RNFT1: variants seen among roughly 807,000 people sequenced by gnomAD.
RNFT1 encodes the protein E3 ubiquitin-protein ligase RNFT1.
RNFT1 carries 35 observed loss-of-function variants against 53.2 expected under a neutral mutation model. The ratio of observed to expected loss-of-function variants is 0.66; its 90% CI spans 0.50 to 0.87. The LOEUF (loss-of-function observed/expected upper bound fraction) is 0.87. RNFT1 is among the 40% of genes least tolerant of loss of function. RNFT1 has a pLI of 0.00. For synonymous variants in RNFT1, 141 were observed against 172.8 expected, an observed-to-expected ratio of 0.82 and a Z score of 1.44; for missense variants, 421 against 515.0, an observed-to-expected ratio of 0.82 and a Z score of 1.77.
Position 59,964,607 on chromosome 17 carries a change from CCT to C in RNFT1, c.55_56del (p.Arg19GlufsTer5). 1 of 1,602,732 alleles carries C rather than the reference CCT, an allele frequency of 6.2e-7. No individual in the cohort carries two copies. Among genetic ancestry groups the C allele is most frequent in the Admixed American group, 1.7e-5 (1 of 58,796 alleles). The part of the protein sequence containing the change: ...PTPPSASGHE[R>X]RQRPEAKTSG... ...CTCTGCCCGCTTCCCCCAGGCCTAA[CCT>C]CTCATGACCAGAAGCGGACGGAGGT... On this transcript the variant is annotated frameshift_variant and splice_region_variant, in exon 1 of 9. Transcript: ENST00000305783. LOFTEE classifies it high-confidence loss of function.
At chr17:59,962,284 C>T in intron 3 of RNFT1, 1 of 341,950 alleles carries the variant, frequency 2.9e-6, no homozygotes, top group Non-Finnish European at 5.4e-6. Context: ...CGTGTTCTAA[C>T]TCTTTTAATC....
chr17:59,957,124 T>C (rs1401733818), intron 6 of RNFT1, 100 bp downstream of exon 6: 11 of 1,180,816 alleles, frequency 9.3e-6, no homozygotes, highest in South Asian at 3.1e-5. Flanking sequence ...ACTAGTGATA[T>C]GAAGATAAAC....
intron 3 of RNFT1, among the ~76,000 whole-genome samples, chr17:59,960,508 C>T (rs2045283491): frequency 6.9e-6 from 1 of 144,404 alleles, no homozygotes; most frequent in South Asian, 2.2e-4. Context: ...CTTCTACAAG[C>T]TGACATAAAG....
intron 7 of RNFT1, among the ~76,000 whole-genome samples, chr17:59,955,424 A>C (rs1164477027): frequency 1.3e-5 from 2 of 152,186 alleles, no homozygotes; most frequent in Non-Finnish European, 2.9e-5. Flanking sequence ...GACTTGAACA[A>C]ATCCAAGTAT....
At position 59,960,154 on chromosome 17, in the gene RNFT1, C is replaced by G. The variant is rs1036324867; in HGVS notation, c.606G>C (p.Lys202Asn). 1.3e-5 allele frequency: 21 copies of G among 1,601,194 alleles called. No homozygotes were observed. The highest frequency in any genetic ancestry group is 1.8e-5 in the Non-Finnish European group (21 of 1,176,160). The change falls in exon 4 of 9, where the codon AAG becomes AAC. Residue 202 changes from lysine (K) to asparagine (N), a missense_variant. Lys to Asn is a moderately conservative substitution (Grantham distance 94). Transcript: ENST00000305783. Reference protein sequence around the residue: ...NQVFLRERSSKIQCAWLLVFL... With the variant: ...NQVFLRERSSNIQCAWLLVFL... Reference sequence around the variant, plus strand: ...ATACCAGTAACCAAGCACACTGAATCTTTGAGGACCTTTCCTGAAAGATAA... The same window carrying G: ...ATACCAGTAACCAAGCACACTGAATGTTTGAGGACCTTTCCTGAAAGATAA...
chr17:59,957,391 T>A lies in RNFT1; in HGVS notation c.847-9A>T. On this transcript the variant is annotated splice_polypyrimidine_tract_variant and intron_variant, in intron 5 of 8. Coordinates refer to ENST00000305783, the MANE Select transcript of RNFT1 (RefSeq NM_016125.4). ...AGCATATACCAGTAACCCTAAAAAA[T>A]AAGAAGAAAACAAATAGAGCTACCC... The A allele has an allele frequency of 1.2e-6, 2 of 1,601,052 alleles. No individual in the cohort carries two copies. The highest frequency in any genetic ancestry group is 1.7e-6 in the Non-Finnish European group (2 of 1,176,032).
intron 3 of RNFT1, among the ~76,000 whole-genome samples, chr17:59,961,452 T>C (rs1337004566): frequency 1.3e-5 from 2 of 152,214 alleles, no homozygotes; most frequent in Non-Finnish European, 2.9e-5. Context: ...GCATGATACT[T>C]TACACAGACA....
intron 4 of RNFT1, 181 bp downstream of exon 4, chr17:59,959,887 G>GCTCT (rs1306815433): frequency 8.7e-6 from 4 of 457,248 alleles, no homozygotes; most frequent in Non-Finnish European, 1.4e-5. Flanking sequence ...TCCAGGCTGG[G>GCTCT]CGAGAGAGTG....
chr17:59,957,980 T>C (rs1183200502), intron 5 of RNFT1, among the ~76,000 whole-genome samples: 6 of 152,226 alleles, frequency 3.9e-5, no homozygotes, highest in African/African-American at 1.2e-4. Flanking sequence ...CACTGAATAA[T>C]TGTACATAGT....
At chr17:59,961,772 TCACCA>T (rs1453072523) in intron 3 of RNFT1, among the ~76,000 whole-genome samples, 8 of 151,960 alleles carry the variant, frequency 5.3e-5, no homozygotes, top group Non-Finnish European at 1.2e-4. Flanking sequence ...ACATGGGGTT[TCACCA>T]CATTGGCCAG....
At chr17:59,954,310 CTT>C (rs1237242769) in intron 7 of RNFT1, among the ~76,000 whole-genome samples, 164 bp from the exon 8 acceptor site, 3 of 152,180 alleles carry the variant, frequency 2.0e-5, no homozygotes, top group Non-Finnish European at 4.4e-5. Context: ...AGAACCACCT[CTT>C]GAGTGCACCA....
chr17:59,958,454 G>A lies in RNFT1; in HGVS notation c.693-10C>T. On this transcript the variant is annotated splice_polypyrimidine_tract_variant and intron_variant, in intron 4 of 8. Transcript: ENST00000305783. Reference sequence around the variant, plus strand: ...ATTTAAAAAAATTAAGCTACCAAAAGAAAAACATCAAAATTTATCAGAGCA... The same window carrying A: ...ATTTAAAAAAATTAAGCTACCAAAAAAAAAACATCAAAATTTATCAGAGCA... 2 of 1,548,704 alleles carry A rather than the reference G, an allele frequency of 1.3e-6. No individual in the cohort carries two copies. Among genetic ancestry groups the A allele is most frequent in the South Asian group, 1.2e-5 (1 of 80,966 alleles).
At chr17:59,961,535 G>T (rs1330530238) in intron 3 of RNFT1, among the ~76,000 whole-genome samples, 1 of 151,928 alleles carries the variant, frequency 6.6e-6, no homozygotes, top group African/African-American at 2.4e-5. Flanking sequence ...TATATGACGG[G>T]CTCGTGTAAC....
intron 7 of RNFT1, among the ~76,000 whole-genome samples, chr17:59,955,992 G>A (rs142057142): frequency 1.3e-5 from 2 of 152,234 alleles, no homozygotes; most frequent in East Asian, 1.9e-4. Flanking sequence ...TGCCATGAAC[G>A]TATTTATGCA....
In RNFT1 at chr17:59,958,793, T is replaced by C. The variant is rs368746369; in HGVS notation, c.693-349A>G. ...GATTCCATCTCTTCCTTTCAATGAA[T>C]TGCTTGTCAAGATCATCAACTCCCT... is the stretch of plus-strand genomic sequence containing the variant. On this transcript the variant is annotated intron_variant, in intron 4 of 8. Coordinates refer to ENST00000305783, the MANE Select transcript of RNFT1 (RefSeq NM_016125.4). 3.9e-5 allele frequency: 15 copies of C among 381,144 alleles called. No individual in the cohort carries two copies. In the East Asian group the frequency reaches 1.2e-3, roughly 30 times the overall value. The allele number at this position is 381,144 out of a possible 1,614,324, so 23.6% of individuals were successfully genotyped here.
Position 59,962,907 on chromosome 17 carries a change from C to T in RNFT1, c.434G>A (p.Arg145His), listed in dbSNP as rs749416565. 5.6e-6 allele frequency: 9 copies of T among 1,614,004 alleles called. No homozygotes were observed. The East Asian group carries it at 6.7e-5, about 12-fold the overall frequency. Reference sequence around the variant, plus strand: ...TTTTTGCAGCCACTTGAAGAGATAGCGGAATTCTGAGAAGGAGCTACTACC... The same window carrying T: ...TTTTTGCAGCCACTTGAAGAGATAGTGGAATTCTGAGAAGGAGCTACTACC... ...DHGSSSFSEF[R>H]YLFKWLQKSL... Residue 145 changes from arginine to histidine, a missense_variant, in exon 2 of 9, where the codon CGC (arginine) becomes CAC (histidine). Coordinates refer to ENST00000305783, the MANE Select transcript of RNFT1 (RefSeq NM_016125.4).
chr17:59,957,232 T>C lies in RNFT1; in HGVS notation c.997A>G (p.Ile333Val). The change falls in exon 6 of 9, where the codon ATA (isoleucine) becomes GTA (valine). Residue 333 changes from isoleucine to valine, a missense_variant. Transcript: ENST00000305783. ...LGILLALLYL[I>V]LKLLEFFGHL... ...TTTGTAATGTTACCTACTTTTAATA[T>C]GAGGTAGAGTAAAGCCAGCAGTATC... is the stretch of plus-strand genomic sequence containing the variant. 2 of 1,611,958 alleles carry C rather than the reference T, an allele frequency of 1.2e-6. No individual in the cohort carries two copies. Among genetic ancestry groups the C allele is most frequent in the Non-Finnish European group, 1.7e-6 (2 of 1,179,316 alleles).
chr17:59,958,970 G>A (rs1359937949), intron 4 of RNFT1, among the ~76,000 whole-genome samples: 2 of 149,890 alleles, frequency 1.3e-5, no homozygotes, highest in Non-Finnish European at 3.0e-5. Context: ...TCTAATTGTG[G>A]TCATGTCCAG....
chr17:59,962,905 A>G lies in RNFT1; in HGVS notation c.436T>C (p.Tyr146His). The change falls in exon 2 of 9, where the codon TAT becomes CAT. Residue 146 changes from tyrosine (Y) to histidine (H), a missense_variant. Coordinates refer to ENST00000305783, the MANE Select transcript of RNFT1 (RefSeq NM_016125.4). ...HGSSSFSEFR[Y>H]LFKWLQKSLP... is the part of the protein sequence containing the mutation. ...CTTTTTTGCAGCCACTTGAAGAGAT[A>G]GCGGAATTCTGAGAAGGAGCTACTA... The G allele has an allele frequency of 6.2e-7, 1 of 1,614,230 alleles. No homozygotes were observed.
Sources: gnomAD v4.1 joint callset for allele counts (sites outside exome capture counted in the v4.1 genomes callset) on GRCh38, gnomAD v4.1.1 for gene constraint, MANE v1.5 for transcripts, NCBI Gene and HGNC (gene_info 2026-07-23, HGNC 2026-07-21) for gene names.